APBA3: variants seen among roughly 807,000 people sequenced by gnomAD.
The protein encoded by APBA3 is amyloid beta precursor protein binding family A member 3.
APBA3 carries 45 observed loss-of-function variants against 55.9 expected under a neutral mutation model. That is an observed-to-expected ratio of 0.80 (90% confidence interval 0.63 to 1.03). The LOEUF (loss-of-function observed/expected upper bound fraction) is 1.03. Ranked by LOEUF, APBA3 falls within the 50% of genes least tolerant of loss-of-function variation. The pLI is 0.00. For synonymous variants in APBA3, 370 were observed against 353.3 expected (o/e 1.05, Z -0.53); for missense variants, 865 against 820.3 (o/e 1.05, Z -0.67).
Position 3,752,969 on chromosome 19 carries a change from T to C in APBA3, c.1033A>G (p.Ile345Val), listed in dbSNP as rs377658563. 3.0e-5 allele frequency: 48 copies of C among 1,612,388 alleles called. No individual in the cohort carries two copies. The highest frequency in any genetic ancestry group is 3.7e-5 in the Non-Finnish European group (44 of 1,179,854). Residue 345 changes from isoleucine (I) to valine (V), a missense_variant, in exon 7 of 11, where the codon ATT becomes GTT. By Grantham distance (29) the Ile-to-Val change is conservative (BLOSUM62 3). Coordinates refer to ENST00000316757, the MANE Select transcript of APBA3 (RefSeq NM_004886.4). ...AEDAQLIAQA[I>V]GQAFAAAYSQ... ...TAGGCGGCGGCGAAGGCCTGGCCAA[T>C]GGCCTGGGCGATGAGCTGGGCCTGC... is the stretch of plus-strand genomic sequence containing the variant.
At chr19:3,754,581 T>G (rs1009588639) in intron 3 of APBA3, 2 of 506,758 alleles carry the variant, frequency 3.9e-6, no homozygotes, top group Admixed American at 8.1e-5. Flanking sequence ...GTCCAGGCCA[T>G]GGCTGGATTC....
chr19:3,750,827 G>C lies in APBA3; in HGVS notation c.*199C>G. ...ATTTTCACAGCACCGGCTTCTAGTG[G>C]CTTCCAGGAAGGACAAGGTCCTCGG... On this transcript the variant is annotated 3_prime_UTR_variant, in exon 11 of 11. Transcript: ENST00000316757. 1 of 973,652 alleles carries C rather than the reference G, an allele frequency of 1.0e-6. No individual in the cohort carries two copies. Among genetic ancestry groups the C allele is most frequent in the Non-Finnish European group, 1.6e-6 (1 of 641,932 alleles). 60.3% of individuals were successfully genotyped at this position (973,652 alleles called of 1,614,324 possible).
intron 3 of APBA3, among the ~76,000 whole-genome samples, chr19:3,758,409 C>A (rs1274795567): frequency 6.6e-6 from 1 of 151,958 alleles, no homozygotes; most frequent in Non-Finnish European, 1.5e-5. Flanking sequence ...CAGGCATGCA[C>A]CGCCACACCT....
intron 3 of APBA3, 148 bp from the exon 4 acceptor site, chr19:3,754,488 T>C: frequency 9.2e-7 from 1 of 1,085,560 alleles, no homozygotes; most frequent in Non-Finnish European, 1.3e-6. Flanking sequence ...CCCACTGTTC[T>C]AGAACCATCC....
chr19:3,754,701 C>T (rs766731804), intron 3 of APBA3: 13 of 207,480 alleles, frequency 6.3e-5, no homozygotes, highest in Non-Finnish European at 1.1e-4. Flanking sequence ...CGGTCTCGCT[C>T]TGTCGCCCAG....
At position 3,751,243 on chromosome 19, in the gene APBA3, C is replaced by G. The variant is rs776806340; in HGVS notation, c.1602G>C (p.Val534=). ...HRIIEINGQS[V]VATPHARIIE... ...TGATGCGGGCGTGTGGCGTGGCCAC[C>G]ACACTCTGCCCATTGATCTCAATGA... Residue 534 remains valine, a synonymous_variant, in exon 10 of 11, where the codon GTG becomes GTC. Coordinates refer to ENST00000316757, the MANE Select transcript of APBA3 (RefSeq NM_004886.4). 1.3e-6 allele frequency: 2 copies of G among 1,547,524 alleles called. No individual in the cohort carries two copies. The highest frequency in any genetic ancestry group is 2.4e-5 in the South Asian group (2 of 84,172).
At chr19:3,756,601 T>C (rs1318862273) in intron 3 of APBA3, 2 of 152,230 alleles carry the variant, frequency 1.3e-5, no homozygotes, top group East Asian at 1.9e-4. Flanking sequence ...CGTATGCCTA[T>C]AGTTCCAGTT....
intron 6 of APBA3, 90 bp from the exon 7 acceptor site, chr19:3,753,080 T>C (rs1359690750): frequency 1.4e-6 from 2 of 1,448,222 alleles, no homozygotes; most frequent in East Asian, 4.7e-5. Context: ...TGAGCCCTCC[T>C]GTCCCCACCT....
In APBA3 at chr19:3,751,502, C is replaced by T. The variant is rs762717709; in HGVS notation, c.1447G>A (p.Val483Ile). Reference protein sequence around the residue: ...VTLSIVHCPPVTTAIIHRPHA... With the variant: ...VTLSIVHCPPITTAIIHRPHA... Reference sequence around the variant, plus strand: ...GGCCGGTGGATGATGGCGGTGGTGACGGGAGGGCAGTGGACGATGCTGAGT... The same window carrying T: ...GGCCGGTGGATGATGGCGGTGGTGATGGGAGGGCAGTGGACGATGCTGAGT... The change falls in exon 9 of 11, where the codon GTC (valine) becomes ATC (isoleucine). Residue 483 changes from valine to isoleucine, a missense_variant. By Grantham distance (29) the Val-to-Ile change is conservative. Coordinates refer to ENST00000316757, the MANE Select transcript of APBA3 (RefSeq NM_004886.4). 13 of 1,584,174 alleles carry T rather than the reference C, an allele frequency of 8.2e-6. No individual in the cohort carries two copies. The highest frequency in any genetic ancestry group is 3.4e-5 in the South Asian group (3 of 87,372).
rs914590344 is a variant in APBA3, at chr19:3,751,640, T to C, written c.1396-87A>G. 7.7e-6 allele frequency: 11 copies of C among 1,432,686 alleles called. No homozygotes were observed. The African/African-American group carries it at 1.6e-4, about 21-fold the overall frequency. The allele number at this position is 1,432,686 out of a possible 1,614,324, so 88.7% of individuals were successfully genotyped here. On this transcript the variant is annotated intron_variant, in intron 8 of 10. Transcript: ENST00000316757. ...CTCTGGGCCTCAGTTTACCCTCTCA[T>C]AAACCAGAGACCTGGAGTCCAGGGG...
chr19:3,752,422 G>A (rs1290437584), intron 8 of APBA3, 86 bp downstream of exon 8: 1 of 1,274,012 alleles, frequency 7.8e-7, no homozygotes, highest in Non-Finnish European at 1.1e-6. Context: ...GGCTGGGCTG[G>A]AGAGACCTGG....
At chr19:3,753,347 G>A in intron 6 of APBA3, 1 of 413,002 alleles carries the variant, frequency 2.4e-6, no homozygotes, top group Non-Finnish European at 4.4e-6. Context: ...CGAGAGTCTT[G>A]GAGTCTTATA....
Position 3,760,205 on chromosome 19 carries a change from C to A in APBA3, c.60G>T (p.Gly20=), listed in dbSNP as rs780495877. The change falls in exon 2 of 11, where the codon GGG becomes GGT. Residue 20 remains glycine (G), a synonymous_variant. Coordinates refer to ENST00000316757, the MANE Select transcript of APBA3 (RefSeq NM_004886.4). ...CCGAAGGCACAAGAATGTCCCTGGGCCCCTCCAAGTCCATGGCTGGAGGCC... is the reference window on the plus strand; with the variant it reads ...CCGAAGGCACAAGAATGTCCCTGGGACCCTCCAAGTCCATGGCTGGAGGCC... ...PSGPPAMDLE[G]PRDILVPSED... is the part of the protein sequence containing the mutation. The A allele has an allele frequency of 1.2e-6, 2 of 1,612,226 alleles. No homozygotes were observed. Among genetic ancestry groups the A allele is most frequent in the Non-Finnish European group, 1.7e-6 (2 of 1,179,950 alleles).
chr19:3,758,586 A>C (rs1325842921), intron 3 of APBA3, among the ~76,000 whole-genome samples: 1 of 152,138 alleles, frequency 6.6e-6, no homozygotes, highest in Middle Eastern at 3.2e-3. Flanking sequence ...ATGTCAAGAA[A>C]TAGTATTCTT....
At chr19:3,753,093 G>A (rs2037031017) in intron 6 of APBA3, 103 bp from the exon 7 acceptor site, 2 of 1,348,904 alleles carry the variant, frequency 1.5e-6, no homozygotes, top group Non-Finnish European at 2.0e-6. Context: ...CCCCACCTGG[G>A]GTGAGAGTCC....
chr19:3,751,051 C>T lies in APBA3; in HGVS notation c.1703G>A (p.Gly568Asp). 3 of 1,564,968 alleles carry T rather than the reference C, an allele frequency of 1.9e-6. No homozygotes were observed. The highest frequency in any genetic ancestry group is 2.6e-6 in the Non-Finnish European group (3 of 1,154,518). ...MPAATYRLLT[G>D]QEQPVYL is the part of the protein sequence containing the mutation. ...TCACAGGTACACGGGCTGCTCCTGGCCTGTAAGGAGGCGATATGTGGCAGC... is the reference window on the plus strand; with the variant it reads ...TCACAGGTACACGGGCTGCTCCTGGTCTGTAAGGAGGCGATATGTGGCAGC... Residue 568 changes from glycine to aspartate, a missense_variant, in exon 11 of 11, where the codon GGC (glycine) becomes GAC (aspartate). Physicochemically the swap from Gly to Asp is moderately conservative, Grantham distance 94. Transcript: ENST00000316757.
At chr19:3,758,830 A>T (rs2037110125) in intron 3 of APBA3, among the ~76,000 whole-genome samples, 1 of 151,968 alleles carries the variant, frequency 6.6e-6, no homozygotes, top group Non-Finnish European at 1.5e-5. Flanking sequence ...GTGAGCCGGG[A>T]TCACGCCACT....
Position 3,756,764 on chromosome 19 carries a change from T to C in APBA3, c.617-2424A>G, listed in dbSNP as rs183150623. On this transcript the variant is annotated intron_variant, in intron 3 of 10. Transcript: ENST00000316757. Reference sequence around the variant, plus strand: ...AAGTTATTTCACCTGTTTTTAATTTTTTAACGTGGATAACTACAAAATTTT... The same window carrying C: ...AAGTTATTTCACCTGTTTTTAATTTCTTAACGTGGATAACTACAAAATTTT... 2.0e-5 allele frequency: 3 copies of C among 152,336 alleles called. No individual in the cohort carries two copies. The East Asian group carries it at 5.8e-4, about 29-fold the overall frequency. 9.4% of individuals were successfully genotyped at this position (152,336 alleles called of 1,614,324 possible).
intron 3 of APBA3, among the ~76,000 whole-genome samples, chr19:3,759,034 C>T (rs1180349697): frequency 6.6e-6 from 1 of 151,794 alleles, no homozygotes; most frequent in Non-Finnish European, 1.5e-5. Flanking sequence ...CCAGCTTGGG[C>T]AACATGGTGA....
Sources: gnomAD v4.1 joint callset for allele counts (sites outside exome capture counted in the v4.1 genomes callset) on GRCh38, gnomAD v4.1.1 for gene constraint, MANE v1.5 for transcripts, NCBI Gene and HGNC (gene_info 2026-07-23, HGNC 2026-07-21) for gene names.